COPA: variants seen among roughly 807,000 people sequenced by gnomAD.
The protein encoded by COPA is coatomer subunit alpha.
In COPA, 10 loss-of-function variants were observed where a neutral mutation model predicts 158.7. The ratio of observed to expected loss-of-function variants is 0.06; its 90% confidence interval spans 0.04 to 0.11. COPA has a LOEUF of 0.11. Ranked by LOEUF, COPA falls within the 10% of genes least tolerant of loss-of-function variation. The pLI is 1.00. For synonymous variants in COPA, 462 were observed against 542.8 expected (o/e 0.85, Z 2.07); for missense variants, 1,065 against 1,536.7 (o/e 0.69, Z 5.13).
At chr1:160,329,558 T>C (rs1239828647) in intron 6 of COPA, among the ~76,000 whole-genome samples, 2 of 151,850 alleles carry the variant, frequency 1.3e-5, no homozygotes, top group Non-Finnish European at 2.9e-5. Flanking sequence ...CTGCATTGGC[T>C]AGACTGCAGG....
chr1:160,320,542 G>C (rs915556663), intron 8 of COPA, among the ~76,000 whole-genome samples: 1 of 146,772 alleles, frequency 6.8e-6, no homozygotes, highest in Admixed American at 6.9e-5. Flanking sequence ...CCAGGAGGTG[G>C]AGGCTGCAGT....
intron 6 of COPA, among the ~76,000 whole-genome samples, chr1:160,329,278 C>G (rs1647394952): frequency 6.6e-6 from 1 of 152,160 alleles, no homozygotes; most frequent in African/African-American, 2.4e-5. Context: ...GTAAAAAGAG[C>G]ATTAACATTA....
In COPA at chr1:160,311,609, G is replaced by A. The variant is rs182920122; in HGVS notation, c.1076+259C>T. Among the ~76,000 whole-genome samples the A allele has an allele frequency of 1.5e-3, 232 of 152,000 alleles. 1 individual carries two copies. The highest frequency in any genetic ancestry group is 4.9e-3 in the African/African-American group (202 of 41,452). On this transcript the variant is annotated intron_variant, in intron 11 of 32. Coordinates refer to ENST00000241704, the MANE Select transcript of COPA (RefSeq NM_004371.4). ...AAAAAATACAAAAAATTAGCCAGGC[G>A]TGGTGGCGGGCGCCTGTAGTCCCAG...
At chr1:160,306,210 G>T in intron 15 of COPA, 144 bp downstream of exon 15, 1 of 856,172 alleles carries the variant, frequency 1.2e-6, no homozygotes, top group Non-Finnish European at 1.8e-6. Flanking sequence ...GATCACAGAA[G>T]GGAAAAGTTA....
chr1:160,326,602 A>G (rs1232807523), intron 6 of COPA, among the ~76,000 whole-genome samples: 1 of 152,208 alleles, frequency 6.6e-6, no homozygotes, highest in African/African-American at 2.4e-5. Context: ...TGATGGGGGA[A>G]GTTCCAAATG....
At chr1:160,329,323 A>G (rs1647398744) in intron 6 of COPA, among the ~76,000 whole-genome samples, 1 of 152,238 alleles carries the variant, frequency 6.6e-6, no homozygotes, top group Admixed American at 6.5e-5. Flanking sequence ...TTACTATCAC[A>G]TAAATAAAGT....
Position 160,340,526 on chromosome 1 carries a change from T to C in COPA, c.41-232A>G, listed in dbSNP as rs185271561. On this transcript the variant is annotated intron_variant, in intron 1 of 32. Coordinates refer to ENST00000241704, the MANE Select transcript of COPA (RefSeq NM_004371.4). ...TGCTCTAGGATACAATTAAGTTACT[T>C]GGAATCAGTTGATCCTTTCAAGGCT... Among the ~76,000 whole-genome samples the C allele has an allele frequency of 2.6e-5, 4 of 152,346 alleles. 1 individual carries two copies. The East Asian group carries it at 7.7e-4, about 29-fold the overall frequency.
At position 160,303,443 on chromosome 1, in the gene COPA, G is replaced by A. The variant is rs147113596; in HGVS notation, c.1667+1990C>T. 7.1e-4 allele frequency among the ~76,000 whole-genome samples: 108 copies of A among 152,184 alleles called. 1 individual carries two copies. The highest frequency in any genetic ancestry group is 2.4e-3 in the African/African-American group (98 of 41,516). On this transcript the variant is annotated intron_variant, in intron 17 of 32. Coordinates refer to ENST00000241704, the MANE Select transcript of COPA (RefSeq NM_004371.4). ...GACTGCAGAACAATGGAGAAAGAAC[G>A]GTCTTTTCAATAATGCTGCTGGGCA...
intron 17 of COPA, among the ~76,000 whole-genome samples, chr1:160,305,054 A>G (rs1658739365): frequency 6.6e-6 from 1 of 152,240 alleles, no homozygotes; most frequent in South Asian, 2.1e-4. Flanking sequence ...AAAATTACAA[A>G]GAAAAGCAAG....
intron 8 of COPA, 43 bp downstream of exon 8, chr1:160,323,388 G>A: frequency 6.6e-7 from 1 of 1,523,364 alleles, no homozygotes; most frequent in Non-Finnish European, 8.9e-7. Flanking sequence ...CTTGCTGGCT[G>A]GCAGTTTCTT....
chr1:160,308,129 T>C (rs1557865645), intron 13 of COPA, among the ~76,000 whole-genome samples: 1 of 151,422 alleles, frequency 6.6e-6, no homozygotes, highest in African/African-American at 2.4e-5. Flanking sequence ...AAAGTGGTAA[T>C]AAAACAAAAC....
At chr1:160,290,245 T>TA in intron 32 of COPA, 29 bp from the exon 33 acceptor site, 1 of 1,612,478 alleles carries the variant, frequency 6.2e-7, no homozygotes, top group Non-Finnish European at 8.5e-7. Flanking sequence ...AGGAACAAGT[T>TA]AGAGATTTGT....
At chr1:160,304,533 GT>G (rs1557864197) in intron 17 of COPA, among the ~76,000 whole-genome samples, 1 of 151,822 alleles carries the variant, frequency 6.6e-6, no homozygotes, top group Non-Finnish European at 1.5e-5. Flanking sequence ...GTGTGGTGGT[GT>G]GTGCCTGTAA....
chr1:160,292,689 GTAAT>G, intron 27 of COPA, 69 bp from the exon 28 acceptor site: 1 of 1,317,614 alleles, frequency 7.6e-7, no homozygotes, highest in Non-Finnish European at 1.1e-6. Flanking sequence ...CTTGGGCAAG[GTAAT>G]TAATTTCTCT....
rs768839525 is a variant in COPA, at chr1:160,288,668, C to T, written c.*1489G>A. ...CACGCAAAAAAGTACTTATTTTAATCGAAGGCACAGTAATGTCACTCTACC... is the reference window on the plus strand; with the variant it reads ...CACGCAAAAAAGTACTTATTTTAATTGAAGGCACAGTAATGTCACTCTACC... On this transcript the variant is annotated 3_prime_UTR_variant, in exon 33 of 33. Coordinates refer to ENST00000241704, the MANE Select transcript of COPA (RefSeq NM_004371.4). Among the ~76,000 whole-genome samples the T allele has an allele frequency of 3.1e-4, 47 of 152,122 alleles. No individual in the cohort carries two copies. The highest frequency in any genetic ancestry group is 4.6e-4 in the Admixed American group (7 of 15,280).
At chr1:160,310,148 A>G (rs768615982) in intron 12 of COPA, 44 bp downstream of exon 12, 16 of 1,267,978 alleles carry the variant, frequency 1.3e-5, no homozygotes, top group Admixed American at 7.7e-5. Context: ...AAAGAGACCT[A>G]TGGAAAATGA....
intron 6 of COPA, among the ~76,000 whole-genome samples, chr1:160,332,175 A>G (rs1647559552): frequency 6.6e-6 from 1 of 152,192 alleles, no homozygotes; most frequent in Admixed American, 6.5e-5. Flanking sequence ...CAAATGTTGC[A>G]ACAGTAAATA....
intron 12 of COPA, 31 bp downstream of exon 12, chr1:160,310,161 A>G: frequency 1.4e-6 from 2 of 1,404,074 alleles, no homozygotes; most frequent in Non-Finnish European, 1.9e-6. Flanking sequence ...GAAAATGAGG[A>G]GAACCTAGGA....
intron 8 of COPA, among the ~76,000 whole-genome samples, chr1:160,315,852 G>C (rs1456604625): frequency 6.6e-6 from 1 of 152,018 alleles, no homozygotes; most frequent in Non-Finnish European, 1.5e-5. Context: ...TAGTTTAAAG[G>C]AAACCCTGTT....
Sources: gnomAD v4.1 joint callset for allele counts (sites outside exome capture counted in the v4.1 genomes callset) on GRCh38, gnomAD v4.1.1 for gene constraint, MANE v1.5 for transcripts, NCBI Gene and HGNC (gene_info 2026-07-23, HGNC 2026-07-21) for gene names.